ZNF541: variants seen among roughly 807,000 people sequenced by gnomAD.
ZNF541 encodes the protein zinc finger protein 541.
Under a neutral mutation model 123.5 loss-of-function variants are expected in ZNF541, and 23 were observed. That is an observed-to-expected ratio of 0.19 (90% CI 0.13 to 0.26). The LOEUF is 0.26. ZNF541 is among the 10% of genes least tolerant of loss of function. The probability of loss-of-function intolerance (pLI) is 1.00; values close to 1 mark genes in which losing one functional copy is unlikely to be tolerated. For missense variants in ZNF541, 1,612 were observed against 1,789.9 expected (o/e 0.90, Z 1.79); for synonymous variants, 751 against 754.5 (o/e 1.00, Z 0.08).
In ZNF541 at chr19:47,521,106, TGGCCAACA is replaced by T; in HGVS notation, c.*110_*117del. The T allele has an allele frequency of 7.6e-7, 1 of 1,313,166 alleles. No homozygotes were observed. The highest frequency in any genetic ancestry group is 1.5e-5 in the South Asian group (1 of 66,438). The allele number at this position is 1,313,166 out of a possible 1,614,324, so 81.3% of individuals were successfully genotyped here. A position where few individuals can be genotyped will look rare whatever the true frequency, so the allele number is the denominator to read the frequency against. On this transcript the variant is annotated 3_prime_UTR_variant, in exon 17 of 17. Transcript: ENST00000391901. The surrounding 1 kb of genome is among the most constrained non-coding windows in gnomAD (Gnocchi z 4.2). ...ATGCCCTCCATGTTTGCAGGCAGGT[TGGCCAACA>T]GGGGACAGGGAGGGTGGGGGGAGGC...
intron 9 of ZNF541, among the ~76,000 whole-genome samples, chr19:47,535,758 T>C (rs921792575): frequency 1.0e-4 from 15 of 150,504 alleles, no homozygotes; most frequent in Admixed American, 6.0e-4. Flanking sequence ...AATTTAGCTC[T>C]TTCGCCCAGG....
At chr19:47,522,059 T>C (rs2122828935) in intron 14 of ZNF541, 65 bp from the exon 15 acceptor site, 6 of 1,538,124 alleles carry the variant, frequency 3.9e-6, no homozygotes, top group South Asian at 2.4e-5. Context: ...GACCTTGCCA[T>C]TGGGCCGGCC....
At chr19:47,523,368 AGTTTAATTGCTCTAGG>A (rs1969138061) in intron 14 of ZNF541, among the ~76,000 whole-genome samples, 1 of 151,048 alleles carries the variant, frequency 6.6e-6, no homozygotes. Context: ...AAAAAGGAAA[AGTTTAATTGCTCTAGG>A]AAGAAAATTT....
intron 12 of ZNF541, among the ~76,000 whole-genome samples, chr19:47,531,240 G>T (rs867419531): frequency 0.018 from 2,690 of 148,936 alleles, 119 homozygotes; most frequent in Middle Eastern, 0.059. Flanking sequence ...AGCGGGGGGG[G>T]GGGGGGGGGT....
chr19:47,541,041 G>A (rs1469866607), intron 5 of ZNF541, 90 bp from the exon 6 acceptor site: 1 of 1,251,784 alleles, frequency 8.0e-7, no homozygotes, highest in East Asian at 2.6e-5. Flanking sequence ...AAACATCAGA[G>A]TAAATCTTCA....
At chr19:47,568,149 C>A (rs1237649560) in intron 2 of ZNF541, among the ~76,000 whole-genome samples, 1 of 151,914 alleles carries the variant, frequency 6.6e-6, no homozygotes, top group East Asian at 1.9e-4. Flanking sequence ...CATTGTGCCA[C>A]CTCTTTTCCT....
rs374008868 is a variant in ZNF541, at chr19:47,525,886, A to T, written c.3570+3064T>A. On this transcript the variant is annotated intron_variant, in intron 14 of 16. Coordinates refer to ENST00000391901, the MANE Select transcript of ZNF541 (RefSeq NM_001277075.3). ...AGCCAAGATCTCGCCACTGCACTCC[A>T]GTCTGGGCGACAGAGCGAGACTCCG... 1.1e-4 allele frequency among the ~76,000 whole-genome samples: 16 copies of T among 143,072 alleles called. No individual in the cohort carries two copies. In the South Asian group the frequency reaches 3.9e-3, roughly 35 times the overall value. 93.9% of individuals were successfully genotyped at this position (143,072 alleles called of 152,430 possible). A position where few individuals can be genotyped will look rare whatever the true frequency, so the allele number is the denominator to read the frequency against.
chr19:47,540,038 G>A (rs1970010450), intron 7 of ZNF541, 138 bp downstream of exon 7: 1 of 1,420,810 alleles, frequency 7.0e-7, no homozygotes, highest in Non-Finnish European at 9.3e-7. Flanking sequence ...CCTGCCCCTG[G>A]AGAGCCACAC....
Position 47,544,358 on chromosome 19 carries a change from G to GCGCCATTCT in ZNF541, c.2162_2170dup (p.Glu721_Gly723dup). On this transcript the variant is annotated inframe_insertion, in exon 5 of 17. Transcript: ENST00000391901. The stretch of plus-strand genomic sequence containing the variant: ...TTCACCTTTTGTGATCCTTGAAGCC[G>GCGCCATTCT]CGCCATTCTCGGCTGGGGCCTGCTT... 6.4e-7 allele frequency: 1 copy of GCGCCATTCT among 1,551,628 alleles called. No individual in the cohort carries two copies. Among genetic ancestry groups the GCGCCATTCT allele is most frequent in the Non-Finnish European group, 8.7e-7 (1 of 1,147,008 alleles).
At chr19:47,537,563 C>CA (rs369951057) in intron 9 of ZNF541, among the ~76,000 whole-genome samples, 10,692 of 55,916 alleles carry the variant, frequency 0.19, 1,157 homozygotes, top group African/African-American at 0.37. Flanking sequence ...TACTCTGTCT[C>CA]AAAAAAAAAA....
At position 47,545,928 on chromosome 19, in the gene ZNF541, GCT is replaced by G; in HGVS notation, c.599_600del (p.Glu200AlafsTer81). 1.3e-6 allele frequency: 2 copies of G among 1,525,414 alleles called. No homozygotes were observed. Among genetic ancestry groups the G allele is most frequent in the Non-Finnish European group, 1.8e-6 (2 of 1,131,942 alleles). 94.5% of individuals were successfully genotyped at this position (1,525,414 alleles called of 1,614,324 possible). ...HQKTKPFVCI[E>X]QGCSKSYCDY... ...TCGCAGTAGCTCTTGCTGCAGCCCT[GCT>G]CGATGCACACGAAGGGCTTTGTCTT... On this transcript the variant is annotated frameshift_variant, in exon 5 of 17. Transcript: ENST00000391901. LOFTEE classifies it high-confidence loss of function. This position sits in a 1 kb window ranked among gnomAD's most constrained non-coding sequence, Gnocchi z 7.5.
chr19:47,542,870 G>C (rs1352960328), intron 5 of ZNF541, among the ~76,000 whole-genome samples: 1 of 152,120 alleles, frequency 6.6e-6, no homozygotes, highest in Admixed American at 6.6e-5. Context: ...CTTGAACCCA[G>C]GAGGCGGAGG....
chr19:47,554,329 G>A (rs961488055), intron 3 of ZNF541, among the ~76,000 whole-genome samples: 2 of 152,144 alleles, frequency 1.3e-5, no homozygotes, highest in African/African-American at 4.8e-5. Context: ...TACTCAGGAG[G>A]CTGAGGCGGG....
At chr19:47,558,504 TTAAC>T (rs1473552305) in intron 2 of ZNF541, among the ~76,000 whole-genome samples, 6 of 151,472 alleles carry the variant, frequency 4.0e-5, no homozygotes, top group African/African-American at 1.5e-4. Flanking sequence ...CTTAGATACA[TTAAC>T]TTAGTTATTT....
At chr19:47,564,581 G>A (rs960634875) in intron 2 of ZNF541, among the ~76,000 whole-genome samples, 2 of 152,034 alleles carry the variant, frequency 1.3e-5, no homozygotes, top group African/African-American at 2.4e-5. Context: ...TAACGATCAG[G>A]GAAATGCAAA....
At chr19:47,566,922 G>C (rs1176047651) in intron 2 of ZNF541, among the ~76,000 whole-genome samples, 76 of 142,572 alleles carry the variant, frequency 5.3e-4, no homozygotes, top group Non-Finnish European at 2.1e-4. Flanking sequence ...GTGGTGGCGG[G>C]TGCCTGTAGT....
At chr19:47,547,624 G>A (rs1970409881) in intron 4 of ZNF541, among the ~76,000 whole-genome samples, 1 of 152,156 alleles carries the variant, frequency 6.6e-6, no homozygotes, top group Admixed American at 6.6e-5. Flanking sequence ...TCCTGGGGTA[G>A]GTGTGGGTGA....
chr19:47,557,339 A>G (rs988654267), intron 2 of ZNF541, among the ~76,000 whole-genome samples: 3 of 152,172 alleles, frequency 2.0e-5, no homozygotes, highest in African/African-American at 4.8e-5. Flanking sequence ...AGCTTCACAC[A>G]AGCCTAGAAA....
intron 9 of ZNF541, 53 bp from the exon 10 acceptor site, chr19:47,533,025 A>G: frequency 1.3e-6 from 2 of 1,513,618 alleles, no homozygotes; most frequent in Non-Finnish European, 1.8e-6. Flanking sequence ...GGTAACCGAC[A>G]GGGTCCTCTG....
Sources: allele counts gnomAD v4.1 joint callset (sites outside exome capture counted in the v4.1 genomes callset), GRCh38; gene constraint gnomAD v4.1.1; non-coding constraint Gnocchi (gnomAD v3.1); transcripts MANE v1.5; gene names NCBI Gene and HGNC (gene_info 2026-07-23, HGNC 2026-07-21).